The following NAV3 variants were observed in gnomAD, a reference collection of about 807,000 sequenced individuals.
The protein encoded by NAV3 is neuron navigator 3, also known as pore membrane and/or filament interacting like protein 1.
In NAV3, 87 loss-of-function variants were observed where a neutral mutation model predicts 244.7. The ratio of observed to expected loss-of-function variants is 0.36; its 90% CI spans 0.30 to 0.42. The LOEUF (loss-of-function observed/expected upper bound fraction) is 0.42. Among genes scored for constraint, NAV3 ranks in the 20% least tolerant of loss-of-function variants. The pLI is 1.00. For synonymous variants in NAV3, 1,126 were observed against 1,042.2 expected, an observed-to-expected ratio of 1.08 and a Z score of -1.55; for missense variants, 2,663 against 2,893.3, an observed-to-expected ratio of 0.92 and a Z score of 1.83.
At chr12:77,603,866 A>G (rs2136783485) in intron 2 of NAV3, among the ~76,000 whole-genome samples, 1 of 152,214 alleles carries the variant, frequency 6.6e-6, no homozygotes, top group African/African-American at 2.4e-5. Flanking sequence ...TAGGAGGGAG[A>G]TATGTAATGA....
intron 2 of NAV3, among the ~76,000 whole-genome samples, chr12:77,590,267 T>C (rs952906398): frequency 2.0e-5 from 3 of 152,176 alleles, no homozygotes; most frequent in Admixed American, 2.0e-4. Context: ...TCATCAATGA[T>C]GGACTAAGCT....
At chr12:77,932,194 CT>C (rs1398966764) in intron 1 of NAV3, among the ~76,000 whole-genome samples, 1 of 152,044 alleles carries the variant, frequency 6.6e-6, no homozygotes, top group African/African-American at 2.4e-5. Flanking sequence ...TTACTTAATC[CT>C]TTTGTTTTCA....
intron 11 of NAV3, among the ~76,000 whole-genome samples, chr12:78,053,667 C>T (rs1331787567): frequency 6.6e-6 from 1 of 152,070 alleles, no homozygotes; most frequent in Non-Finnish European, 1.5e-5. Context: ...GCACAATTCT[C>T]AGCATAAAAA....
chr12:77,994,958 G>C, intron 6 of NAV3, 87 bp downstream of exon 6: 2 of 936,628 alleles, frequency 2.1e-6, no homozygotes, highest in South Asian at 3.3e-5. Context: ...TTTTTTTAAT[G>C]ATGCACTTCT....
chr12:78,155,512 T>G (rs1246869105), intron 22 of NAV3, among the ~76,000 whole-genome samples: 1 of 152,124 alleles, frequency 6.6e-6, no homozygotes, highest in African/African-American at 2.4e-5. Flanking sequence ...ATAGAATTAT[T>G]TATATTCCTT....
intron 1 of NAV3, among the ~76,000 whole-genome samples, chr12:77,882,532 TG>T (rs1188356620): frequency 6.6e-6 from 1 of 152,108 alleles, no homozygotes; most frequent in Non-Finnish European, 1.5e-5. Flanking sequence ...TAAGAATTTC[TG>T]GCTAAGTCCC....
At chr12:77,701,756 C>T (rs2137205823) in intron 2 of NAV3, among the ~76,000 whole-genome samples, 1 of 152,012 alleles carries the variant, frequency 6.6e-6, no homozygotes, top group East Asian at 1.9e-4. Context: ...GTTTTAGTAG[C>T]ATGTTCATTC....
chr12:77,839,768 C>T (rs1875299872), intron 1 of NAV3, among the ~76,000 whole-genome samples: 1 of 152,252 alleles, frequency 6.6e-6, no homozygotes, highest in East Asian at 1.9e-4. Flanking sequence ...GGAAAAGTAA[C>T]ATTTCAACCA....
chr12:77,664,750 G>T (rs1330817867), intron 2 of NAV3, among the ~76,000 whole-genome samples: 1 of 152,062 alleles, frequency 6.6e-6, no homozygotes, highest in African/African-American at 2.4e-5. Context: ...ATTAAAAAAT[G>T]AAAGAAACCA....
At chr12:78,180,651 G>A (rs910713830) in intron 29 of NAV3, among the ~76,000 whole-genome samples, 1 of 151,974 alleles carries the variant, frequency 6.6e-6, no homozygotes, top group East Asian at 1.9e-4. Flanking sequence ...TGGTTGGATT[G>A]TCTATATTTG....
intron 12 of NAV3, among the ~76,000 whole-genome samples, chr12:78,109,226 T>G (rs1463161107): frequency 6.6e-6 from 1 of 152,030 alleles, no homozygotes; most frequent in East Asian, 1.9e-4. Flanking sequence ...CCTAGAAACT[T>G]ACAACCTACC....
chr12:77,992,126 C>G (rs1472736593), intron 5 of NAV3, among the ~76,000 whole-genome samples: 3 of 152,064 alleles, frequency 2.0e-5, no homozygotes, highest in Non-Finnish European at 2.9e-5. Flanking sequence ...ATGTCTTTGA[C>G]CTTTGCTTCC....
chr12:78,177,051 G>A (rs1327164611), intron 26 of NAV3, 90 bp from the exon 27 acceptor site: 5 of 1,325,814 alleles, frequency 3.8e-6, no homozygotes, highest in Admixed American at 3.6e-5. Flanking sequence ...CCCAGGCAGT[G>A]GCTAGGATGG....
intron 9 of NAV3, among the ~76,000 whole-genome samples, chr12:78,040,568 A>G (rs1450052295): frequency 6.6e-6 from 1 of 152,196 alleles, no homozygotes; most frequent in Admixed American, 6.5e-5. Context: ...AACATAATTG[A>G]GATATTAATT....
chr12:78,194,867 T>C (rs1290372788), intron 34 of NAV3, among the ~76,000 whole-genome samples: 1 of 150,762 alleles, frequency 6.6e-6, no homozygotes, highest in Non-Finnish European at 1.5e-5. Flanking sequence ...ATCTTTAAAA[T>C]AAGGGAATAA....
At chr12:78,081,045 A>G (rs537591264) in intron 12 of NAV3, among the ~76,000 whole-genome samples, 2 of 152,256 alleles carry the variant, frequency 1.3e-5, no homozygotes, top group South Asian at 4.2e-4. Context: ...AAGACAGGAA[A>G]TAGAGAAGTC....
chr12:77,898,563 T>A (rs1000842252), intron 1 of NAV3, among the ~76,000 whole-genome samples: 2 of 152,210 alleles, frequency 1.3e-5, no homozygotes, highest in Non-Finnish European at 1.5e-5. Flanking sequence ...TATTCACTGT[T>A]TTAGGCAAAG....
chr12:77,654,037 G>T lies in NAV3; in HGVS notation c.72+81771G>T, dbSNP rs200101308. 3.0e-5 allele frequency among the ~76,000 whole-genome samples: 4 copies of T among 131,454 alleles called. No individual in the cohort carries two copies. In the Admixed American group the frequency reaches 3.1e-4, roughly 10 times the overall value. 86.2% of individuals were successfully genotyped at this position (131,454 alleles called of 152,430 possible). A position where few individuals can be genotyped will look rare whatever the true frequency, so the allele number is the denominator to read the frequency against. On this transcript the variant is annotated intron_variant, in intron 2 of 8. Transcript: ENST00000550042. ...TCCCAGCATGAGCCACGCAGAAGACGGGTGATTTCTGCATTTCCATCTGAG... is the reference window on the plus strand; with the variant it reads ...TCCCAGCATGAGCCACGCAGAAGACTGGTGATTTCTGCATTTCCATCTGAG...
intron 2 of NAV3, among the ~76,000 whole-genome samples, chr12:77,594,971 G>A (rs1308852483): frequency 1.3e-5 from 2 of 152,144 alleles, no homozygotes; most frequent in Non-Finnish European, 2.9e-5. Flanking sequence ...ATATAAATTA[G>A]TGGCCATTAT....
Sources: gnomAD v4.1 joint callset for allele counts (sites outside exome capture counted in the v4.1 genomes callset) on GRCh38, gnomAD v4.1.1 for gene constraint, MANE v1.5 for transcripts, NCBI Gene and HGNC (gene_info 2026-07-23, HGNC 2026-07-21) for gene names.